The following FARP1 variants were observed in gnomAD, a reference collection of about 807,000 sequenced individuals.
FARP1 encodes the protein FERM, ARH/RhoGEF and pleckstrin domain protein 1, also known as FERM, ARHGEF and pleckstrin domain-containing protein 1.
FARP1 carries 52 observed loss-of-function variants against 128.8 expected under a neutral mutation model. The observed-to-expected ratio is 0.40, with a 90% CI of 0.32 to 0.51. FARP1 has a LOEUF of 0.51. Ranked by LOEUF, FARP1 falls within the 20% of genes least tolerant of loss-of-function variation. FARP1 has a pLI of 0.45. For synonymous variants in FARP1, 580 were observed against 551.8 expected, an observed-to-expected ratio of 1.05 and a Z score of -0.72; for missense variants, 1,333 against 1,367.9, an observed-to-expected ratio of 0.97 and a Z score of 0.40.
chr13:98,190,900 T>A (rs557065963), intron 1 of FARP1, among the ~76,000 whole-genome samples: 4 of 152,266 alleles, frequency 2.6e-5, no homozygotes, highest in Admixed American at 2.6e-4. Flanking sequence ...TTTTCTTTTT[T>A]AAAATAAAAA....
At chr13:98,165,832 C>A (rs1354001603) in intron 1 of FARP1, among the ~76,000 whole-genome samples, 1 of 148,688 alleles carries the variant, frequency 6.7e-6, no homozygotes, top group Non-Finnish European at 1.5e-5. Flanking sequence ...ATTCTACTGC[C>A]TCAGCCTCCA....
intron 2 of FARP1, among the ~76,000 whole-genome samples, chr13:98,265,472 A>G (rs567714355): frequency 6.6e-6 from 1 of 150,638 alleles, no homozygotes; most frequent in East Asian, 1.9e-4. Context: ...GGCGCCCGCC[A>G]CTACGCCCGG....
intron 24 of FARP1, among the ~76,000 whole-genome samples, chr13:98,443,215 C>T (rs190803951): frequency 2.2e-4 from 34 of 152,352 alleles, no homozygotes; most frequent in Non-Finnish European, 4.7e-4. Context: ...AAATATCTGC[C>T]GTCTGCCTTT....
intron 1 of FARP1, among the ~76,000 whole-genome samples, chr13:98,144,863 G>T (rs183575496): frequency 6.6e-6 from 1 of 152,100 alleles, no homozygotes; most frequent in Non-Finnish European, 1.5e-5. Flanking sequence ...CAGTGTTCTC[G>T]TAGGGGGTTT....
chr13:98,206,468 C>T lies in FARP1; in HGVS notation c.-23-6752C>T, dbSNP rs76328581. On this transcript the variant is annotated intron_variant, in intron 1 of 26. Transcript: ENST00000319562. Reference sequence around the variant, plus strand: ...CTGGTTTGCTGCTTATTTGAAGCTCCGCCATTTTTATCTGAGATCTGTAGC... The same window carrying T: ...CTGGTTTGCTGCTTATTTGAAGCTCTGCCATTTTTATCTGAGATCTGTAGC... 7.2e-3 allele frequency among the ~76,000 whole-genome samples: 1,091 copies of T among 152,218 alleles called. 12 individuals carry two copies. The highest frequency in any genetic ancestry group is 0.025 in the African/African-American group (1,027 of 41,540).
intron 2 of FARP1, among the ~76,000 whole-genome samples, chr13:98,268,377 G>A (rs1474747497): frequency 6.6e-6 from 1 of 152,166 alleles, no homozygotes; most frequent in East Asian, 1.9e-4. Context: ...ATAAGGCCAT[G>A]GGGTTGGGTC....
Position 98,274,907 on chromosome 13 carries a change from C to T in FARP1, c.171+61494C>T, listed in dbSNP as rs966830984. ...TATTCAGATCAGATCACTTTATTCT[C>T]AAGGTTTTAATTTAGGTCAGATAAT... On this transcript the variant is annotated intron_variant, in intron 2 of 26. Transcript: ENST00000319562. Among the ~76,000 whole-genome samples, 150 of 152,270 alleles carry T rather than the reference C, an allele frequency of 9.9e-4. 2 individuals are homozygous for T. The highest frequency in any genetic ancestry group is 4.4e-4 in the Non-Finnish European group (30 of 68,020).
chr13:98,446,939 G>T (rs1892882668), intron 26 of FARP1, 122 bp downstream of exon 26: 1 of 1,090,056 alleles, frequency 9.2e-7, no homozygotes, highest in East Asian at 2.4e-5. Context: ...TAAGCGTTTA[G>T]ACCTGGGGTC....
In FARP1 at chr13:98,176,493, C is replaced by T; in HGVS notation, c.-24+33001C>T. ...AACACCTGAATGGTATTTCCTCTTC[C>T]TCGCTTCCCACTTCATGGTTTTCGT... On this transcript the variant is annotated intron_variant, in intron 1 of 26. Transcript: ENST00000319562. This position sits in a 1 kb window ranked among gnomAD's most constrained non-coding sequence, Gnocchi z 6.2. 1 of 1,614,226 alleles carries T rather than the reference C, an allele frequency of 6.2e-7. No homozygotes were observed. Among genetic ancestry groups the T allele is most frequent in the Non-Finnish European group, 8.5e-7 (1 of 1,180,032 alleles).
intron 2 of FARP1, among the ~76,000 whole-genome samples, chr13:98,242,240 C>T (rs1306993338): frequency 6.6e-6 from 1 of 152,150 alleles, no homozygotes. Flanking sequence ...CCCCCTCCCT[C>T]GAGGCCGTAG....
chr13:98,395,991 C>T (rs1890526907), intron 13 of FARP1: 1 of 399,164 alleles, frequency 2.5e-6, no homozygotes, highest in Non-Finnish European at 4.4e-6. Context: ...CTCTCCCGGA[C>T]CAGGGTCCTC....
chr13:98,365,368 C>T, intron 3 of FARP1, 27 bp from the exon 4 acceptor site: 2 of 1,585,992 alleles, frequency 1.3e-6, no homozygotes, highest in Non-Finnish European at 1.7e-6. Flanking sequence ...GAACTTAGGT[C>T]TTAATCTGTT....
chr13:98,433,140 G>A (rs1243453086), intron 18 of FARP1: 1 of 152,238 alleles, frequency 6.6e-6, no homozygotes, highest in Non-Finnish European at 1.5e-5. Context: ...AAGTGAGGCT[G>A]CGACAGAAAG....
intron 2 of FARP1, among the ~76,000 whole-genome samples, chr13:98,222,975 C>T (rs1881515829): frequency 6.6e-6 from 1 of 151,780 alleles, no homozygotes; most frequent in African/African-American, 2.4e-5. Flanking sequence ...TTGAAGAGGG[C>T]GGAGTCTGCA....
chr13:98,410,218 G>A (rs1030734872), intron 14 of FARP1, among the ~76,000 whole-genome samples: 2 of 152,212 alleles, frequency 1.3e-5, no homozygotes, highest in African/African-American at 2.4e-5. Context: ...CCTCCTCCAC[G>A]GTGGGGCTGG....
At chr13:98,409,596 G>T in intron 14 of FARP1, 71 bp downstream of exon 14, 1 of 1,385,534 alleles carries the variant, frequency 7.2e-7, no homozygotes. Flanking sequence ...TTTAAAAATT[G>T]TACTAAAATA....
intron 1 of FARP1, among the ~76,000 whole-genome samples, chr13:98,182,737 C>T (rs1053827855): frequency 2.3e-4 from 35 of 152,150 alleles, no homozygotes; most frequent in African/African-American, 7.7e-4. Context: ...ACAATTTGGC[C>T]GAGTACCAAG....
chr13:98,187,078 T>C (rs1014589998), intron 1 of FARP1, among the ~76,000 whole-genome samples: 3 of 151,544 alleles, frequency 2.0e-5, no homozygotes, highest in African/African-American at 4.9e-5. Flanking sequence ...TTCTTTTGAG[T>C]TTATACCCAG....
intron 3 of FARP1, among the ~76,000 whole-genome samples, chr13:98,357,931 T>C (rs1888704469): frequency 6.6e-6 from 1 of 152,188 alleles, no homozygotes; most frequent in African/African-American, 2.4e-5. Flanking sequence ...TGGGGTGAAT[T>C]ATTCCCGACT....
Sources: allele counts gnomAD v4.1 joint callset (sites outside exome capture counted in the v4.1 genomes callset), GRCh38; gene constraint gnomAD v4.1.1; non-coding constraint Gnocchi (gnomAD v3.1); transcripts MANE v1.5; gene names NCBI Gene and HGNC (gene_info 2026-07-23, HGNC 2026-07-21).